The following CAMTA1 variants were observed in gnomAD, a reference collection of about 807,000 sequenced individuals.
CAMTA1 encodes calmodulin binding transcription activator 1, also known as calmodulin-binding transcription activator 1.
Under a neutral mutation model 170.9 loss-of-function variants are expected in CAMTA1, and 27 were observed. The ratio of observed to expected loss-of-function variants is 0.16; its 90% confidence interval spans 0.12 to 0.22. CAMTA1 has a LOEUF of 0.22. Among genes scored for constraint, CAMTA1 ranks in the 10% least tolerant of loss-of-function variants. CAMTA1 has a pLI of 1.00. For missense variants in CAMTA1, 1,619 were observed against 2,217.2 expected (o/e 0.73, Z 5.42); for synonymous variants, 833 against 891.5 (o/e 0.93, Z 1.17).
intron 3 of CAMTA1, among the ~76,000 whole-genome samples, chr1:6,925,721 C>A (rs1682956594): frequency 6.6e-6 from 1 of 152,200 alleles, no homozygotes; most frequent in Admixed American, 6.5e-5. Context: ...AATCCTGGCA[C>A]CCATAAGTGG....
intron 5 of CAMTA1, among the ~76,000 whole-genome samples, chr1:7,366,323 C>T (rs2085962874): frequency 6.6e-6 from 1 of 152,172 alleles, no homozygotes; most frequent in Admixed American, 6.5e-5. Flanking sequence ...TGCCTGGCCG[C>T]ACTGAGCTCC....
intron 1 of CAMTA1, among the ~76,000 whole-genome samples, chr1:6,814,146 ACCT>A (rs1198055837): frequency 6.6e-6 from 1 of 151,586 alleles, no homozygotes; most frequent in Admixed American, 6.6e-5. Flanking sequence ...GGAGAAGGAA[ACCT>A]CCTAGATTGG....
At chr1:7,517,928 G>T (rs1008986025) in intron 6 of CAMTA1, among the ~76,000 whole-genome samples, 2 of 151,944 alleles carry the variant, frequency 1.3e-5, no homozygotes, top group Non-Finnish European at 2.9e-5. Flanking sequence ...GGCTCTGAGA[G>T]CCCAGGGTTA....
At chr1:7,639,627 G>A (rs966226046) in intron 6 of CAMTA1, among the ~76,000 whole-genome samples, 4 of 152,170 alleles carry the variant, frequency 2.6e-5, no homozygotes, top group African/African-American at 9.7e-5. Flanking sequence ...ACAAAAATTA[G>A]CCAGGCATGG....
At chr1:7,662,662 G>A (rs569210568) in intron 8 of CAMTA1, among the ~76,000 whole-genome samples, 38 of 152,330 alleles carry the variant, frequency 2.5e-4, no homozygotes, top group African/African-American at 8.4e-4. Flanking sequence ...AGGCTTGTAC[G>A]TCTGAAATGA....
At chr1:7,205,702 C>G (rs148175420) in intron 4 of CAMTA1, among the ~76,000 whole-genome samples, 165 of 152,200 alleles carry the variant, frequency 1.1e-3, no homozygotes, top group African/African-American at 3.8e-3. Context: ...TGTGAAAAAA[C>G]TTTTTATTTC....
chr1:7,220,770 A>C (rs750267683), intron 4 of CAMTA1, among the ~76,000 whole-genome samples: 4 of 152,240 alleles, frequency 2.6e-5, no homozygotes, highest in Non-Finnish European at 4.4e-5. Flanking sequence ...TCGGGCACCC[A>C]GGTGGCACCT....
chr1:6,927,952 G>A (rs1217847056), intron 3 of CAMTA1, among the ~76,000 whole-genome samples: 4 of 152,260 alleles, frequency 2.6e-5, no homozygotes, highest in African/African-American at 4.8e-5. Context: ...CAGGAGAGAC[G>A]ACAAGGATCC....
At chr1:7,155,364 C>T (rs1039702518) in intron 4 of CAMTA1, among the ~76,000 whole-genome samples, 1 of 146,268 alleles carries the variant, frequency 6.8e-6, no homozygotes, top group African/African-American at 2.5e-5. Flanking sequence ...AGGTCGAGAT[C>T]CCAGCCTCTG....
rs1700237266 is a variant in CAMTA1 at position 7,014,361 on chromosome 1, C to T, written c.235-76943C>T. 6.6e-6 allele frequency: 1 copy of T among 152,292 alleles called. No homozygotes were observed. Among genetic ancestry groups the T allele is most frequent in the East Asian group, 1.9e-4 (1 of 5,200 alleles). The allele number at this position is 152,292 out of a possible 1,614,324, so 9.4% of individuals were successfully genotyped here. ...TTTGGGGTGTGAGGCTATAAACAGC[C>T]CAGGAGTCCTGAGGGGGTTGGAGAG... On this transcript the variant is annotated intron_variant, in intron 3 of 22. Coordinates refer to ENST00000303635, the MANE Select transcript of CAMTA1 (RefSeq NM_015215.4). The surrounding 1 kb of genome is among the most constrained non-coding windows in gnomAD (Gnocchi z 4.2).
At chr1:7,309,288 T>A (rs984453494) in intron 5 of CAMTA1, among the ~76,000 whole-genome samples, 8 of 16,756 alleles carry the variant, frequency 4.8e-4, no homozygotes, top group Admixed American at 8.8e-4. Context: ...AGTTAGAAAA[T>A]TTTTTTTTTT....
At chr1:6,832,558 A>G (rs1650791240) in intron 3 of CAMTA1, among the ~76,000 whole-genome samples, 1 of 152,046 alleles carries the variant, frequency 6.6e-6, no homozygotes, top group African/African-American at 2.4e-5. Flanking sequence ...ATAGACACAC[A>G]TTTTGGGGGG....
At chr1:7,617,699 C>T (rs1421912393) in intron 6 of CAMTA1, among the ~76,000 whole-genome samples, 1 of 139,408 alleles carries the variant, frequency 7.2e-6, no homozygotes, top group East Asian at 2.6e-4. Context: ...ACCCACCCCC[C>T]CACCCCCATG....
chr1:7,190,318 A>T (rs1431098583), intron 4 of CAMTA1, among the ~76,000 whole-genome samples: 1 of 152,250 alleles, frequency 6.6e-6, no homozygotes, highest in African/African-American at 2.4e-5. Context: ...ACAAAAGAGC[A>T]CATTAAAAAC....
chr1:7,280,350 G>T (rs1671332097), intron 5 of CAMTA1, among the ~76,000 whole-genome samples: 1 of 152,230 alleles, frequency 6.6e-6, no homozygotes, highest in South Asian at 2.1e-4. Flanking sequence ...GTGCTAGAAT[G>T]CTTCCCAAGC....
At chr1:7,352,182 C>T (rs1002479268) in intron 5 of CAMTA1, among the ~76,000 whole-genome samples, 8 of 142,850 alleles carry the variant, frequency 5.6e-5, no homozygotes, top group East Asian at 4.0e-4. Context: ...AGGAAGTGGG[C>T]GGGGGGAAGA....
intron 6 of CAMTA1, among the ~76,000 whole-genome samples, chr1:7,488,814 T>G (rs1333860830): frequency 9.9e-5 from 15 of 152,224 alleles, no homozygotes; most frequent in South Asian, 8.3e-4. Flanking sequence ...AATACAAATA[T>G]GTACCTTAAC....
At chr1:7,744,055 C>T (rs2096838461) in intron 16 of CAMTA1, among the ~76,000 whole-genome samples, 1 of 151,556 alleles carries the variant, frequency 6.6e-6, no homozygotes, top group Non-Finnish European at 1.5e-5. Context: ...TCTTAATCTC[C>T]TGACCTCGTG....
At chr1:6,886,240 G>T (rs1035744726) in intron 3 of CAMTA1, 2 of 455,862 alleles carry the variant, frequency 4.4e-6, no homozygotes, top group African/African-American at 2.0e-5. Context: ...GTTTATACAG[G>T]TCTTAAAATT....
Sources: allele counts gnomAD v4.1 joint callset (sites outside exome capture counted in the v4.1 genomes callset), GRCh38; gene constraint gnomAD v4.1.1; non-coding constraint Gnocchi (gnomAD v3.1); transcripts MANE v1.5; gene names NCBI Gene and HGNC (gene_info 2026-07-23, HGNC 2026-07-21).